PCDHA3: variants seen among roughly 807,000 people sequenced by gnomAD.
PCDHA3 encodes protocadherin alpha-3.
A neutral mutation model predicts 62.2 loss-of-function variants in PCDHA3; 41 were observed. The observed-to-expected ratio is 0.66, with a 90% CI of 0.51 to 0.86. The LOEUF (loss-of-function observed/expected upper bound fraction) is 0.86. Ranked by LOEUF, PCDHA3 falls within the 40% of genes least tolerant of loss-of-function variation. PCDHA3 has a pLI of 0.00. For synonymous variants in PCDHA3, 640 were observed against 555.4 expected (o/e 1.15, Z -2.14); for missense variants, 1,304 against 1,241.2 (o/e 1.05, Z -0.76).
rs887998358 is a variant in PCDHA3 at position 140,801,061 on chromosome 5, C to T, written c.-137C>T. On this transcript the variant is annotated 5_prime_UTR_variant, in exon 1 of 4. It adds an upstream start codon to the 5' untranslated region. Coordinates refer to ENST00000522353, the MANE Select transcript of PCDHA3 (RefSeq NM_018906.3). ...ACAAAAGAAATAACAGCGTGCATTA[C>T]GTATTCAGATACTGCTTTGCTTCAT... 5 of 1,453,574 alleles carry T rather than the reference C, an allele frequency of 3.4e-6. No homozygotes were observed. The highest frequency in any genetic ancestry group is 4.5e-6 in the Non-Finnish European group (5 of 1,108,894). 90.0% of individuals were successfully genotyped at this position (1,453,574 alleles called of 1,614,324 possible).
Position 140,888,156 on chromosome 5 carries a change from A to T in PCDHA3, c.2394+84565A>T, listed in dbSNP as rs556908449. 2.0e-5 allele frequency among the ~76,000 whole-genome samples: 3 copies of T among 152,300 alleles called. No homozygotes were observed. In the South Asian group the frequency reaches 6.2e-4, roughly 32 times the overall value. On this transcript the variant is annotated intron_variant, in intron 1 of 3. Coordinates refer to ENST00000522353, the MANE Select transcript of PCDHA3 (RefSeq NM_018906.3). ...TTTCTTGCTGTTTTGCATGACTGGT[A>T]ATCTCTAATAAGATGCTAGACATTG...
chr5:140,857,858 G>T (rs781810921), intron 1 of PCDHA3: 3 of 1,597,852 alleles, frequency 1.9e-6, no homozygotes, highest in South Asian at 1.1e-5. Context: ...TGGATACAAC[G>T]CGTGGCTGTC....
chr5:140,858,072 C>T, intron 1 of PCDHA3: 1 of 1,597,752 alleles, frequency 6.3e-7, no homozygotes, highest in Non-Finnish European at 8.6e-7. Context: ...AGCCAGGCAC[C>T]CAAGGCCTCG....
chr5:140,945,829 A>G (rs1472344558), intron 1 of PCDHA3, among the ~76,000 whole-genome samples: 1 of 152,180 alleles, frequency 6.6e-6, no homozygotes, highest in Non-Finnish European at 1.5e-5. Flanking sequence ...ACAAAAGTCA[A>G]CTCAAAATGG....
chr5:140,927,235 C>T (rs1478545930), intron 1 of PCDHA3: 7 of 1,614,034 alleles, frequency 4.3e-6, no homozygotes, highest in Non-Finnish European at 5.9e-6. Flanking sequence ...GATTCACGTC[C>T]TGGACACCAA....
intron 1 of PCDHA3, chr5:140,869,951 C>G (rs2051525824): frequency 6.2e-7 from 1 of 1,611,984 alleles, no homozygotes. Context: ...TCCTTAATGT[C>G]AATTAAGCCC....
chr5:140,877,112 G>A, intron 1 of PCDHA3: 1 of 1,613,670 alleles, frequency 6.2e-7, no homozygotes, highest in Non-Finnish European at 8.5e-7. Flanking sequence ...CCTCTGGGCA[G>A]CAACGTGACG....
chr5:140,850,431 C>T (rs2150484020), intron 1 of PCDHA3: 3 of 1,597,912 alleles, frequency 1.9e-6, no homozygotes, highest in Non-Finnish European at 1.7e-6. Flanking sequence ...ACCGCGCCAG[C>T]GCCTACTGGT....
At chr5:140,889,231 T>G (rs1456128446) in intron 1 of PCDHA3, among the ~76,000 whole-genome samples, 2 of 151,912 alleles carry the variant, frequency 1.3e-5, no homozygotes, top group Non-Finnish European at 2.9e-5. Flanking sequence ...TTTGAAAACT[T>G]CCAGAAAATT....
intron 1 of PCDHA3, among the ~76,000 whole-genome samples, chr5:140,943,004 C>T (rs1248261862): frequency 6.6e-6 from 1 of 151,842 alleles, no homozygotes; most frequent in East Asian, 1.9e-4. Context: ...TGCCTGTAAT[C>T]CCAGCACTTT....
At chr5:141,000,854 G>A (rs2097968530) in intron 3 of PCDHA3, among the ~76,000 whole-genome samples, 1 of 152,010 alleles carries the variant, frequency 6.6e-6, no homozygotes, top group Non-Finnish European at 1.5e-5. Flanking sequence ...CTGGCAGTCA[G>A]CCATGACCTC....
intron 3 of PCDHA3, among the ~76,000 whole-genome samples, chr5:140,984,073 G>A (rs1294401230): frequency 4.6e-5 from 7 of 152,222 alleles, no homozygotes; most frequent in Non-Finnish European, 7.3e-5. Context: ...CAGTGCCAAC[G>A]ATGGAGTGAA....
chr5:140,877,118 T>C, intron 1 of PCDHA3: 1 of 1,613,690 alleles, frequency 6.2e-7, no homozygotes, highest in South Asian at 1.1e-5. Flanking sequence ...GGCAGCAACG[T>C]GACGCTGCAG....
intron 1 of PCDHA3, among the ~76,000 whole-genome samples, chr5:140,972,062 A>G (rs1398109338): frequency 6.6e-6 from 1 of 152,246 alleles, no homozygotes; most frequent in Admixed American, 6.5e-5. Flanking sequence ...AGTCGTATAT[A>G]TTAACTGCTT....
At chr5:140,917,015 G>A (rs538557329) in intron 1 of PCDHA3, among the ~76,000 whole-genome samples, 1 of 152,240 alleles carries the variant, frequency 6.6e-6, no homozygotes, top group East Asian at 1.9e-4. Flanking sequence ...CTCCCTTCAT[G>A]TGCAGCTGCT....
chr5:140,976,511 A>G (rs1216804890), intron 1 of PCDHA3, among the ~76,000 whole-genome samples: 1 of 152,148 alleles, frequency 6.6e-6, no homozygotes, highest in Non-Finnish European at 1.5e-5. Flanking sequence ...AGATCGCGCC[A>G]CTGCACACCA....
intron 1 of PCDHA3, among the ~76,000 whole-genome samples, chr5:140,896,760 T>C (rs562641955): frequency 1.3e-5 from 2 of 152,340 alleles, no homozygotes; most frequent in East Asian, 3.9e-4. Flanking sequence ...ATTAGACCTT[T>C]GTTGGATGCA....
intron 3 of PCDHA3, among the ~76,000 whole-genome samples, chr5:141,004,378 G>C (rs914260481): frequency 6.6e-6 from 1 of 152,316 alleles, no homozygotes; most frequent in South Asian, 2.1e-4. Context: ...TCTGCTCTGC[G>C]GAAGCTGGAC....
At chr5:140,862,584 G>A (rs2047434517) in intron 1 of PCDHA3, 1 of 495,742 alleles carries the variant, frequency 2.0e-6, no homozygotes, top group South Asian at 1.6e-5. Context: ...CGTTCCAGCA[G>A]CCCGAGTACA....
Sources: gnomAD v4.1 joint callset for allele counts (sites outside exome capture counted in the v4.1 genomes callset) on GRCh38, gnomAD v4.1.1 for gene constraint, MANE v1.5 for transcripts, NCBI Gene and HGNC (gene_info 2026-07-23, HGNC 2026-07-21) for gene names.